The following PPP2CA variants were observed in gnomAD, a reference collection of about 807,000 sequenced individuals.
The protein encoded by PPP2CA is protein phosphatase 2 catalytic subunit alpha, also known as serine/threonine-protein phosphatase 2A catalytic subunit alpha isoform.
Under a neutral mutation model 38.8 loss-of-function variants are expected in PPP2CA, and 5 were observed. The ratio of observed to expected loss-of-function variants is 0.13; its 90% CI spans 0.07 to 0.27. The LOEUF (loss-of-function observed/expected upper bound fraction) is 0.27, where lower values mean the gene tolerates loss of function less well. PPP2CA is among the 10% of genes least tolerant of loss of function. The probability of loss-of-function intolerance (pLI) is 1.00; values close to 1 mark genes in which losing one functional copy is unlikely to be tolerated. For missense variants in PPP2CA, 88 were observed against 389.7 expected (o/e 0.23, Z 6.52); for synonymous variants, 152 against 134.0 (o/e 1.13, Z -0.93).
At chr5:134,218,666 TTTC>T (rs938587641) in intron 1 of PPP2CA, among the ~76,000 whole-genome samples, 27 of 65,176 alleles carry the variant, frequency 4.1e-4, no homozygotes, top group South Asian at 1.9e-3. Context: ...TGGTTGTTTC[TTTC>T]TTTTTTTTTT....
rs1455568689 is a variant in PPP2CA, at chr5:134,198,959, GGA to G, written c.857+125_857+126del. 1.6e-5 allele frequency: 11 copies of G among 700,032 alleles called. No individual in the cohort carries two copies. The African/African-American group carries it at 2.0e-4, about 12-fold the overall frequency. The allele number at this position is 700,032 out of a possible 1,614,324, so 43.4% of individuals were successfully genotyped here. A position where few individuals can be genotyped will look rare whatever the true frequency, so the allele number is the denominator to read the frequency against. On this transcript the variant is annotated intron_variant, in intron 6 of 6. Coordinates refer to ENST00000481195, the MANE Select transcript of PPP2CA (RefSeq NM_002715.4). ...AACACTCTAGGAGGCCAAGGTGAAAGGATCACTTCAGCCTAGGAGTTCGAGAC... is the reference window on the plus strand; with the variant it reads ...AACACTCTAGGAGGCCAAGGTGAAAGTCACTTCAGCCTAGGAGTTCGAGAC...
chr5:134,206,430 C>A (rs2239544), intron 1 of PPP2CA, among the ~76,000 whole-genome samples: 1 of 152,290 alleles, frequency 6.6e-6, no homozygotes, highest in South Asian at 2.1e-4. Context: ...CAATGAAAAT[C>A]GAACAGGACA....
rs2149387780 is a variant in PPP2CA at position 134,217,834 on chromosome 5, A to C, written c.102+7926T>G. ...TGTGTGAACATCACAGAGTGGTCTT[A>C]CACAAATCTAGATAGTATAGACTAC... On this transcript the variant is annotated intron_variant, in intron 1 of 6. Transcript: ENST00000481195. 2.0e-5 allele frequency among the ~76,000 whole-genome samples: 3 copies of C among 152,348 alleles called. No homozygotes were observed. The South Asian group carries it at 6.2e-4, about 32-fold the overall frequency.
intron 1 of PPP2CA, among the ~76,000 whole-genome samples, chr5:134,215,614 T>G (rs1762300327): frequency 6.6e-6 from 1 of 151,654 alleles, no homozygotes; most frequent in Non-Finnish European, 1.5e-5. Context: ...AAGTAAAAAT[T>G]TTGTTGTAGA....
At chr5:134,197,891 T>G in intron 6 of PPP2CA, 47 bp from the exon 7 acceptor site, 1 of 1,498,522 alleles carries the variant, frequency 6.7e-7, no homozygotes, top group South Asian at 1.1e-5. Context: ...GACCTCCATG[T>G]AGTGACAATC....
intron 4 of PPP2CA, 23 bp from the exon 5 acceptor site, chr5:134,200,519 AAAATGCCTT>A: frequency 6.2e-7 from 1 of 1,606,870 alleles, no homozygotes; most frequent in Non-Finnish European, 8.5e-7. Context: ...TTCAAGTTAT[AAAATGCCTT>A]TTACAAACAT....
At chr5:134,217,376 AGTTG>A (rs1162294115) in intron 1 of PPP2CA, among the ~76,000 whole-genome samples, 1 of 152,236 alleles carries the variant, frequency 6.6e-6, no homozygotes, top group African/African-American at 2.4e-5. Context: ...CTTACCATAT[AGTTG>A]GACAGTTCTA....
At chr5:134,202,656 G>A (rs554191052) in intron 2 of PPP2CA, among the ~76,000 whole-genome samples, 1 of 152,284 alleles carries the variant, frequency 6.6e-6, no homozygotes, top group South Asian at 2.1e-4. Flanking sequence ...TGTTACTGAG[G>A]TTTTTGGCTA....
chr5:134,198,881 C>A (rs2239542), intron 6 of PPP2CA, among the ~76,000 whole-genome samples: 15,402 of 152,044 alleles, frequency 0.1, 922 homozygotes, highest in Admixed American at 0.16. Context: ...TCTTAAACCT[C>A]ACATTTAAAC....
intron 3 of PPP2CA, 84 bp from the exon 4 acceptor site, chr5:134,201,158 C>A: frequency 9.6e-7 from 1 of 1,040,164 alleles, no homozygotes; most frequent in Non-Finnish European, 1.5e-6. Context: ...ATGCCTGTAA[C>A]CCCAGCACTT....
intron 1 of PPP2CA, chr5:134,225,295 G>C (rs1320740866): frequency 6.4e-6 from 1 of 156,354 alleles, no homozygotes; most frequent in Non-Finnish European, 1.4e-5. Flanking sequence ...TATGTTCTGG[G>C]ATACGGCCTA....
chr5:134,208,220 A>G (rs1056409423), intron 1 of PPP2CA, among the ~76,000 whole-genome samples: 5 of 152,216 alleles, frequency 3.3e-5, no homozygotes, highest in African/African-American at 4.8e-5. Flanking sequence ...ACTTCTGTGA[A>G]TATCTGTTTA....
At chr5:134,212,908 T>C (rs754654413) in intron 1 of PPP2CA, among the ~76,000 whole-genome samples, 3 of 152,170 alleles carry the variant, frequency 2.0e-5, no homozygotes, top group South Asian at 2.1e-4. Flanking sequence ...TAAAGGCTAA[T>C]AGAGGTGAGG....
intron 5 of PPP2CA, among the ~76,000 whole-genome samples, chr5:134,200,052 G>A (rs1325672905): frequency 1.3e-5 from 2 of 152,076 alleles, no homozygotes; most frequent in Non-Finnish European, 2.9e-5. Context: ...TATCATACAT[G>A]CACACCAACT....
chr5:134,200,630 A>C, intron 4 of PPP2CA, 134 bp from the exon 5 acceptor site: 1 of 978,556 alleles, frequency 1.0e-6, no homozygotes, highest in Non-Finnish European at 1.5e-6. Flanking sequence ...TAGACTGTGC[A>C]GTTGAAGTCA....
intron 5 of PPP2CA, among the ~76,000 whole-genome samples, chr5:134,199,870 T>A (rs1761937538): frequency 6.6e-6 from 1 of 152,242 alleles, no homozygotes; most frequent in African/African-American, 2.4e-5. Context: ...GACCTTATTT[T>A]AAAAATATTC....
At position 134,199,182 on chromosome 5, in the gene PPP2CA, C is replaced by A. The variant is rs368545605; in HGVS notation, c.761G>T (p.Arg254Leu). 1 of 1,613,456 alleles carries A rather than the reference C, an allele frequency of 6.2e-7. No homozygotes were observed. Among genetic ancestry groups the A allele is most frequent in the African/African-American group, 1.3e-5 (1 of 74,876 alleles). ...VMEGYNWCHD[R>L]NVVTIFSAPN... ...AGCACTGAAAATCGTTACTACATTC[C>A]GGTCATGGCACCAGTTATATCCCTG... Residue 254 changes from arginine (R) to leucine (L), a missense_variant, in exon 6 of 7, where the codon CGG becomes CTG. Coordinates refer to ENST00000481195, the MANE Select transcript of PPP2CA (RefSeq NM_002715.4).
chr5:134,221,777 C>A (rs1349337298), intron 1 of PPP2CA, among the ~76,000 whole-genome samples: 3 of 152,002 alleles, frequency 2.0e-5, no homozygotes, highest in Non-Finnish European at 4.4e-5. Flanking sequence ...CGAGACTAGC[C>A]TGGCCAACAT....
chr5:134,199,747 T>C (rs1425953620), intron 5 of PPP2CA, among the ~76,000 whole-genome samples: 3 of 151,156 alleles, frequency 2.0e-5, no homozygotes, highest in Middle Eastern at 3.4e-3. Flanking sequence ...TCCACCTGAA[T>C]GCATGAGCTA....
Sources: allele counts gnomAD v4.1 joint callset (sites outside exome capture counted in the v4.1 genomes callset), GRCh38; gene constraint gnomAD v4.1.1; transcripts MANE v1.5; gene names NCBI Gene and HGNC (gene_info 2026-07-23, HGNC 2026-07-21).